The following PPM1F variants were observed in gnomAD, a reference collection of about 807,000 sequenced individuals.
PPM1F encodes the protein protein phosphatase, Mg2+/Mn2+ dependent 1F.
A neutral mutation model predicts 35.5 loss-of-function variants in PPM1F; 17 were observed. The ratio of observed to expected loss-of-function variants is 0.48; its 90% confidence interval spans 0.33 to 0.72. The LOEUF (loss-of-function observed/expected upper bound fraction) is 0.72, where lower values mean the gene tolerates loss of function less well. Among genes scored for constraint, PPM1F ranks in the 30% least tolerant of loss-of-function variants. The probability of loss-of-function intolerance (pLI) is 0.02; values close to 1 mark genes in which losing one functional copy is unlikely to be tolerated. For synonymous variants in PPM1F, 241 were observed against 255.5 expected (o/e 0.94, Z 0.54); for missense variants, 521 against 613.0 (o/e 0.85, Z 1.59).
At position 21,922,424 on chromosome 22, in the gene PPM1F, CAT is replaced by C. The variant is rs1480181019; in HGVS notation, c.*666_*667del. The C allele has an allele frequency of 6.6e-6, 1 of 152,496 alleles. No homozygotes were observed. Among genetic ancestry groups the C allele is most frequent in the Non-Finnish European group, 1.5e-5 (1 of 68,068 alleles). 9.4% of individuals were successfully genotyped at this position (152,496 alleles called of 1,614,324 possible). On this transcript the variant is annotated 3_prime_UTR_variant, in exon 8 of 8. Transcript: ENST00000263212. ...AAAACAAACACACCAACAAAAGACACATGTGCGTCGCCGGTTCCGGGCTCAGG... is the reference window on the plus strand; with the variant it reads ...AAAACAAACACACCAACAAAAGACACGTGCGTCGCCGGTTCCGGGCTCAGG...
intron 6 of PPM1F, among the ~76,000 whole-genome samples, chr22:21,926,304 T>C (rs1418636235): frequency 2.0e-5 from 3 of 151,958 alleles, no homozygotes; most frequent in African/African-American, 7.2e-5. Flanking sequence ...GCTAATTTTT[T>C]TGTGTTTTTA....
intron 1 of PPM1F, chr22:21,950,567 A>G (rs942541219): frequency 6.6e-6 from 1 of 152,174 alleles, no homozygotes; most frequent in African/African-American, 2.4e-5. Flanking sequence ...ATCCTTAGAA[A>G]AGGGAACTGC....
rs565192320 is a variant in PPM1F, at chr22:21,952,808, C to T, written c.-77G>A. The T allele has an allele frequency of 9.2e-5, 14 of 152,178 alleles. No individual in the cohort carries two copies. The East Asian group carries it at 2.7e-3, about 30-fold the overall frequency. The allele number at this position is 152,178 out of a possible 1,614,324, so 9.4% of individuals were successfully genotyped here. ...CCTCCTCACCCCTGGTCTCCGCGGG[C>T]CTCAGCTGTCTCCTCGCGGCTCCGT... On this transcript the variant is annotated 5_prime_UTR_variant, in exon 1 of 8. Transcript: ENST00000263212.
rs970812797 is a variant in PPM1F at position 21,945,877 on chromosome 22, G to A, written c.172C>T (p.Leu58=). 8 of 1,611,846 alleles carry A rather than the reference G, an allele frequency of 5.0e-6. No homozygotes were observed. The highest frequency in any genetic ancestry group is 6.8e-6 in the Non-Finnish European group (8 of 1,179,828). The change falls in exon 2 of 8, where the codon CTG becomes TTG. Residue 58 remains leucine (L), a synonymous_variant. Coordinates refer to ENST00000263212, the MANE Select transcript of PPM1F (RefSeq NM_014634.4). Reference sequence around the variant, plus strand: ...AGAAAGCCCATGGCCAGCTCAGCCAGCTCGCCCTCCACCTCCTCCTGGCTG... The same window carrying A: ...AGAAAGCCCATGGCCAGCTCAGCCAACTCGCCCTCCACCTCCTCCTGGCTG... ...VLSQEEVEGE[L]AELAMGFLGS...
Position 21,922,236 on chromosome 22 carries a change from G to A in PPM1F, c.*856C>T, listed in dbSNP as rs1034199825. On this transcript the variant is annotated 3_prime_UTR_variant, in exon 8 of 8. Coordinates refer to ENST00000263212, the MANE Select transcript of PPM1F (RefSeq NM_014634.4). ...AAATTCAATAATACTGCAAAAAAAG[G>A]TTCCTTGAAAAATAGCTTTAAAAAA... 1 of 152,634 alleles carries A rather than the reference G, an allele frequency of 6.6e-6. No individual in the cohort carries two copies. Among genetic ancestry groups the A allele is most frequent in the South Asian group, 2.1e-4 (1 of 4,824 alleles). 9.5% of individuals were successfully genotyped at this position (152,634 alleles called of 1,614,324 possible).
chr22:21,927,930 GTTTTTTGTTTTGTTT>G (rs2070535936), intron 6 of PPM1F, among the ~76,000 whole-genome samples: 1 of 93,352 alleles, frequency 1.1e-5, no homozygotes, highest in Admixed American at 1.1e-4. Flanking sequence ...TCTTGATTCT[GTTTTTTGTTTTGTTT>G]TTTTTTTTTT....
intron 3 of PPM1F, chr22:21,938,254 G>A (rs2070684004): frequency 7.7e-7 from 1 of 1,298,228 alleles, no homozygotes; most frequent in Non-Finnish European, 1.0e-6. Context: ...CATCAGGCGG[G>A]GAGGGCCTGG....
intron 6 of PPM1F, among the ~76,000 whole-genome samples, chr22:21,926,348 G>A (rs1307294760): frequency 6.6e-6 from 1 of 151,990 alleles, no homozygotes; most frequent in Non-Finnish European, 1.5e-5. Flanking sequence ...TGGCCAGACT[G>A]GTCTCGATCT....
intron 5 of PPM1F, among the ~76,000 whole-genome samples, 189 bp downstream of exon 5, chr22:21,933,202 C>T (rs564999294): frequency 2.6e-5 from 4 of 152,336 alleles, no homozygotes; most frequent in African/African-American, 7.2e-5. Context: ...CATGCTGGGT[C>T]GGGGCAGGCT....
At chr22:21,935,112 G>A (rs1404407826) in intron 3 of PPM1F, 1 of 152,138 alleles carries the variant, frequency 6.6e-6, no homozygotes, top group Non-Finnish European at 1.5e-5. Flanking sequence ...CAGCCTAGAT[G>A]TCCTTCAACG....
chr22:21,938,192 G>T (rs1418911092), intron 3 of PPM1F: 1 of 1,303,276 alleles, frequency 7.7e-7, no homozygotes, highest in Admixed American at 2.3e-5. Flanking sequence ...GCGCAGCAAC[G>T]CTCCTTCTCA....
chr22:21,946,461 G>A lies in PPM1F; in HGVS notation c.-60-353C>T, dbSNP rs1005190920. 7 of 160,126 alleles carry A rather than the reference G, an allele frequency of 4.4e-5. No individual in the cohort carries two copies. In the South Asian group the frequency reaches 7.5e-4, roughly 17 times the overall value. 9.9% of individuals were successfully genotyped at this position (160,126 alleles called of 1,614,324 possible). On this transcript the variant is annotated intron_variant, in intron 1 of 7. Coordinates refer to ENST00000263212, the MANE Select transcript of PPM1F (RefSeq NM_014634.4). ...AGGTGAGGGGGTTCAACCTGATCAC[G>A]GGTCCCGAGCAGCCAGGAGGGCTCT...
chr22:21,946,068 CCTG>C lies in PPM1F; in HGVS notation c.-23_-21del. ...GGACATGCCCAAAGCATCCCGGGGGCCTGCAGCTAGGCCAGGGCAAGAGGGTCT... is the reference window on the plus strand; with the variant it reads ...GGACATGCCCAAAGCATCCCGGGGGCCAGCTAGGCCAGGGCAAGAGGGTCT... On this transcript the variant is annotated 5_prime_UTR_variant, in exon 2 of 8. Transcript: ENST00000263212. 6.7e-7 allele frequency: 1 copy of C among 1,496,972 alleles called. No individual in the cohort carries two copies. Among genetic ancestry groups the C allele is most frequent in the Non-Finnish European group, 8.9e-7 (1 of 1,120,852 alleles). 92.7% of individuals were successfully genotyped at this position (1,496,972 alleles called of 1,614,324 possible).
Position 21,920,724 on chromosome 22 carries a change from C to G in PPM1F, c.*2368G>C, listed in dbSNP as rs1405358294. ...GAGGCTGCGAGATCTTCCAGTGGAG[C>G]CTCAGGCTAGGGTATGAATCAGACC... On this transcript the variant is annotated 3_prime_UTR_variant, in exon 8 of 8. Transcript: ENST00000263212. The G allele has an allele frequency of 6.6e-6, 1 of 152,232 alleles. No individual in the cohort carries two copies. The highest frequency in any genetic ancestry group is 1.5e-5 in the Non-Finnish European group (1 of 68,050). 9.4% of individuals were successfully genotyped at this position (152,232 alleles called of 1,614,324 possible). A position where few individuals can be genotyped will look rare whatever the true frequency, so the allele number is the denominator to read the frequency against.
intron 1 of PPM1F, chr22:21,951,348 CCT>C (rs1491154166): frequency 8.0e-5 from 10 of 124,536 alleles, no homozygotes; most frequent in African/African-American, 2.9e-4. Context: ...CAGATGGTAT[CCT>C]TTTTTTTTTT....
intron 2 of PPM1F, chr22:21,943,848 G>A (rs1040093900): frequency 6.6e-6 from 1 of 152,392 alleles, no homozygotes; most frequent in Non-Finnish European, 1.5e-5. Context: ...TGTTCCCCGG[G>A]ATGGCTTTTC....
intron 2 of PPM1F, chr22:21,942,753 C>T (rs976927300): frequency 1.3e-5 from 2 of 152,422 alleles, no homozygotes; most frequent in African/African-American, 4.8e-5. Context: ...CGCCTCATCC[C>T]AGGGTCTGGC....
intron 6 of PPM1F, among the ~76,000 whole-genome samples, chr22:21,926,773 A>G (rs1368196790): frequency 6.6e-6 from 1 of 152,190 alleles, no homozygotes; most frequent in African/African-American, 2.4e-5. Context: ...TCTAGTCCCC[A>G]GGCACAGCAC....
chr22:21,919,723 G>GCAGAATCGAACCAAAAA lies in PPM1F; in HGVS notation c.*3352_*3368dup, dbSNP rs1468465225. ...GGGCTGCCCCCCTTGAGCTACAGAG[G>GCAGAATCGAACCAAAAA]CAGAATCGAACCAAAAACACTGCTT... On this transcript the variant is annotated 3_prime_UTR_variant, in exon 8 of 8. Transcript: ENST00000263212. 2 of 152,322 alleles carry GCAGAATCGAACCAAAAA rather than the reference G, an allele frequency of 1.3e-5. No individual in the cohort carries two copies. The highest frequency in any genetic ancestry group is 4.8e-5 in the African/African-American group (2 of 41,462). 9.4% of individuals were successfully genotyped at this position (152,322 alleles called of 1,614,324 possible). A position where few individuals can be genotyped will look rare whatever the true frequency, so the allele number is the denominator to read the frequency against.
Sources: gnomAD v4.1 joint callset for allele counts (sites outside exome capture counted in the v4.1 genomes callset) on GRCh38, gnomAD v4.1.1 for gene constraint, MANE v1.5 for transcripts, NCBI Gene and HGNC (gene_info 2026-07-23, HGNC 2026-07-21) for gene names.